PTPRT: variants seen among roughly 807,000 people sequenced by gnomAD.
The protein encoded by PTPRT is protein tyrosine phosphatase receptor type T.
In PTPRT, 56 loss-of-function variants were observed where a neutral mutation model predicts 176.8. The ratio of observed to expected loss-of-function variants is 0.32; its 90% CI spans 0.26 to 0.40. PTPRT has a LOEUF of 0.40. PTPRT is among the 10% of genes least tolerant of loss of function. The pLI is 1.00. For missense variants in PTPRT, 1,540 were observed against 1,908.2 expected (o/e 0.81, Z 3.60); for synonymous variants, 783 against 739.0 (o/e 1.06, Z -0.96).
intron 7 of PTPRT, among the ~76,000 whole-genome samples, chr20:42,649,647 C>T (rs1401688522): frequency 6.6e-6 from 1 of 152,130 alleles, no homozygotes; most frequent in Non-Finnish European, 1.5e-5. Flanking sequence ...AGTAATAACT[C>T]CCTCATCTCT....
chr20:42,624,008 C>CAAAAAAAA lies in PTPRT; in HGVS notation c.1153+53857_1153+53858insTTTTTTTT, dbSNP rs2074247421. Among the ~76,000 whole-genome samples, 144 of 116,744 alleles carry CAAAAAAAA rather than the reference C, an allele frequency of 1.2e-3. 6 individuals carry two copies. The highest frequency in any genetic ancestry group is 4.8e-3 in the African/African-American group (136 of 28,298). 76.6% of individuals were successfully genotyped at this position (116,744 alleles called of 152,430 possible). A position where few individuals can be genotyped will look rare whatever the true frequency, so the allele number is the denominator to read the frequency against. ...ACGAAGGAAAACAAAACAATAGCAA[C>CAAAAAAAA]AAACAAACAAACAAACAAAAAAAAA... On this transcript the variant is annotated intron_variant, in intron 7 of 30. Coordinates refer to ENST00000373187, the MANE Select transcript of PTPRT (RefSeq NM_007050.6).
chr20:42,299,580 A>G (rs1289558883), intron 12 of PTPRT, among the ~76,000 whole-genome samples: 2 of 149,154 alleles, frequency 1.3e-5, no homozygotes, highest in Admixed American at 1.3e-4. Context: ...AAATGGGAAG[A>G]GTGAAGGCTG....
intron 7 of PTPRT, among the ~76,000 whole-genome samples, chr20:42,512,327 G>A (rs571355266): frequency 3.9e-4 from 60 of 152,146 alleles, no homozygotes; most frequent in Middle Eastern, 3.4e-3. Context: ...GGCAACCACC[G>A]AACTCTTTTC....
intron 9 of PTPRT, among the ~76,000 whole-genome samples, chr20:42,360,637 C>T (rs917064128): frequency 6.6e-6 from 1 of 152,188 alleles, no homozygotes; most frequent in Non-Finnish European, 1.5e-5. Flanking sequence ...GGTTTCTGAA[C>T]ATGAGCTGCT....
At chr20:42,461,452 G>A (rs756183222) in intron 8 of PTPRT, among the ~76,000 whole-genome samples, 2 of 152,120 alleles carry the variant, frequency 1.3e-5, no homozygotes, top group South Asian at 2.1e-4. Context: ...TGGGAGGGCC[G>A]TTTGAGCCCA....
intron 1 of PTPRT, among the ~76,000 whole-genome samples, chr20:43,073,808 A>C (rs2146275978): frequency 6.6e-6 from 1 of 152,150 alleles, no homozygotes; most frequent in African/African-American, 2.4e-5. Context: ...GCTGGAGTGC[A>C]TGGCACAATT....
chr20:42,363,296 ATATATTTTTTTTTT>A (rs2058464203), intron 9 of PTPRT, among the ~76,000 whole-genome samples: 2 of 22,744 alleles, frequency 8.8e-5, no homozygotes, highest in African/African-American at 4.3e-4. Flanking sequence ...ATATATATAT[ATATATTTTTTTTTT>A]TTTTTTTTTT....
At chr20:42,490,398 C>T (rs1165810607) in intron 7 of PTPRT, among the ~76,000 whole-genome samples, 1 of 149,806 alleles carries the variant, frequency 6.7e-6, no homozygotes, top group Admixed American at 6.6e-5. Context: ...CTTCTTTTAA[C>T]TCTCTTATTA....
At chr20:42,463,588 T>A (rs560165406) in intron 8 of PTPRT, among the ~76,000 whole-genome samples, 38 of 152,258 alleles carry the variant, frequency 2.5e-4, no homozygotes, top group African/African-American at 9.1e-4. Flanking sequence ...TTTTCTCCTC[T>A]CCTCTCCCCT....
chr20:43,062,308 G>T (rs891411389), intron 1 of PTPRT, among the ~76,000 whole-genome samples: 3 of 152,168 alleles, frequency 2.0e-5, no homozygotes, highest in African/African-American at 7.2e-5. Flanking sequence ...TTTCAATCTC[G>T]CTTTGTCTTT....
intron 2 of PTPRT, among the ~76,000 whole-genome samples, chr20:42,797,061 C>T (rs981994918): frequency 3.3e-5 from 5 of 152,160 alleles, no homozygotes; most frequent in African/African-American, 1.2e-4. Context: ...TCCCATACCC[C>T]TAAAGTTTTG....
rs928505732 is a variant in PTPRT at position 42,520,410 on chromosome 20, A to C, written c.1154-47848T>G. 8.6e-5 allele frequency among the ~76,000 whole-genome samples: 13 copies of C among 152,044 alleles called. 1 individual carries two copies. Among genetic ancestry groups the C allele is most frequent in the Admixed American group, 8.5e-4 (13 of 15,246 alleles). ...AAGTAACCAGTATCATGACTTTTAT[A>C]ATAACCCCTTTCTTCTTTTATTTAT... On this transcript the variant is annotated intron_variant, in intron 7 of 30. Coordinates refer to ENST00000373187, the MANE Select transcript of PTPRT (RefSeq NM_007050.6).
chr20:43,019,952 G>A (rs1985581422), intron 1 of PTPRT, among the ~76,000 whole-genome samples: 1 of 151,942 alleles, frequency 6.6e-6, no homozygotes, highest in Admixed American at 6.6e-5. Flanking sequence ...AACACCCTCG[G>A]CTTCTTTGGT....
chr20:42,480,346 A>G (rs931810440), intron 7 of PTPRT, among the ~76,000 whole-genome samples: 4 of 152,222 alleles, frequency 2.6e-5, no homozygotes, highest in African/African-American at 9.6e-5. Context: ...GGTGAGACAG[A>G]ACAGCCACTG....
intron 11 of PTPRT, among the ~76,000 whole-genome samples, chr20:42,346,778 C>T (rs1026607287): frequency 6.6e-6 from 1 of 152,182 alleles, no homozygotes; most frequent in Non-Finnish European, 1.5e-5. Flanking sequence ...GAAGAGCCTG[C>T]CTGAGTGGGG....
chr20:42,315,760 T>C lies in PTPRT; in HGVS notation c.2102A>G (p.Tyr701Cys). ...GCTGAGTGCCTGGAAGTAGATGCTGTAGCTTTTCAGGGGAGAGAGAGGAGG... is the reference window on the plus strand; with the variant it reads ...GCTGAGTGCCTGGAAGTAGATGCTGCAGCTTTTCAGGGGAGAGAGAGGAGG... ...WNPPLSPLKS[Y>C]SIYFQALSKA... The change falls in exon 12 of 31, where the codon TAC becomes TGC. Residue 701 changes from tyrosine to cysteine, a missense_variant. This residue lies in a region of PTPRT where 255 missense variants were observed against 250.1 expected (regional missense o/e 1.02). Coordinates refer to ENST00000373187, the MANE Select transcript of PTPRT (RefSeq NM_007050.6). 6.2e-7 allele frequency: 1 copy of C among 1,614,148 alleles called. No homozygotes were observed. Among genetic ancestry groups the C allele is most frequent in the Non-Finnish European group, 8.5e-7 (1 of 1,180,006 alleles).
In PTPRT at chr20:42,075,536, A is replaced by G. The variant is rs1246838815; in HGVS notation, c.*5343T>C. The G allele has an allele frequency of 2.8e-5, 6 of 211,054 alleles. No individual in the cohort carries two copies. The highest frequency in any genetic ancestry group is 5.8e-5 in the Non-Finnish European group (6 of 104,150). 13.1% of individuals were successfully genotyped at this position (211,054 alleles called of 1,614,324 possible). On this transcript the variant is annotated 3_prime_UTR_variant, in exon 31 of 31. Transcript: ENST00000373187. The stretch of plus-strand genomic sequence containing the variant: ...AGGAGTGGCAAGCTGCAGCCTAAGG[A>G]AGGGTGGCTTTCTTCATTTTGTCCC...
chr20:42,474,061 A>G (rs1202929768), intron 7 of PTPRT, among the ~76,000 whole-genome samples: 1 of 152,212 alleles, frequency 6.6e-6, no homozygotes, highest in Non-Finnish European at 1.5e-5. Flanking sequence ...AAACTTAATA[A>G]GCACTCTACG....
chr20:42,998,431 A>G (rs1214517544), intron 1 of PTPRT, among the ~76,000 whole-genome samples: 1 of 152,142 alleles, frequency 6.6e-6, no homozygotes, highest in Non-Finnish European at 1.5e-5. Flanking sequence ...AAATAATTAA[A>G]TCAGTCTAAC....
Sources: allele counts gnomAD v4.1 joint callset (sites outside exome capture counted in the v4.1 genomes callset), GRCh38; gene constraint gnomAD v4.1.1; regional missense constraint gnomAD v4.1.1; transcripts MANE v1.5; gene names NCBI Gene and HGNC (gene_info 2026-07-23, HGNC 2026-07-21).